The following BLTP3B variants were observed in gnomAD, a reference collection of about 807,000 sequenced individuals.
BLTP3B encodes UHRF1 (ICBP90) binding protein 1-like.
the BLTP3B span, chr12:100,084,378 TCACACA>T: frequency 0.11 from 72,124 of 658,442 alleles, 1,626 homozygotes; most frequent in Admixed American, 0.17. Context: ...AATACTATGA[TCACACA>T]CACACACACA....
chr12:100,066,547 A>C, the BLTP3B span, among the ~76,000 whole-genome samples: 555 of 151,990 alleles, frequency 3.7e-3, 7 homozygotes, highest in African/African-American at 0.013. Flanking sequence ...TAATCCCAGC[A>C]CTTTGGGAGG....
chr12:100,082,648 A>G, the BLTP3B span, among the ~76,000 whole-genome samples: 1 of 152,238 alleles, frequency 6.6e-6, no homozygotes, highest in South Asian at 2.1e-4. Flanking sequence ...TAAATAGGAA[A>G]GCATTTCCCC....
the BLTP3B span, chr12:100,086,313 G>A: frequency 7.2e-7 from 1 of 1,382,230 alleles, no homozygotes; most frequent in South Asian, 1.2e-5. Flanking sequence ...AGTTAGCTGT[G>A]TAAAAGAGAG....
the BLTP3B span, among the ~76,000 whole-genome samples, chr12:100,072,400 C>T: frequency 6.6e-6 from 1 of 152,018 alleles, no homozygotes; most frequent in Non-Finnish European, 1.5e-5. Context: ...ATGCACTATA[C>T]ACAATAAGAA....
the BLTP3B span, chr12:100,086,373 G>C: frequency 2.3e-5 from 5 of 218,822 alleles, no homozygotes; most frequent in South Asian, 1.1e-4. Flanking sequence ...GAAAAAAAAA[G>C]GGGGGGGGGG....
chr12:100,130,270 A>T, the BLTP3B span, among the ~76,000 whole-genome samples: 1 of 152,004 alleles, frequency 6.6e-6, no homozygotes, highest in Non-Finnish European at 1.5e-5. Flanking sequence ...TCATTTCATT[A>T]TTTCTTTACA....
the BLTP3B span, among the ~76,000 whole-genome samples, chr12:100,126,284 G>A: frequency 6.6e-6 from 1 of 152,256 alleles, no homozygotes; most frequent in East Asian, 1.9e-4. Flanking sequence ...TGTAAGATAA[G>A]GCCTCAGGTA....
chr12:100,051,230 A>G, the BLTP3B span: 1 of 1,607,888 alleles, frequency 6.2e-7, no homozygotes, highest in African/African-American at 1.3e-5. Flanking sequence ...TCCTGAAATA[A>G]CACAAAAGTA....
chr12:100,069,836 C>T, the BLTP3B span: 1 of 580,590 alleles, frequency 1.7e-6, no homozygotes, highest in Non-Finnish European at 2.2e-6. Flanking sequence ...AAAACACCAC[C>T]TTTTCCCCAA....
the BLTP3B span, among the ~76,000 whole-genome samples, chr12:100,125,208 T>C: frequency 3.3e-5 from 5 of 150,260 alleles, no homozygotes; most frequent in Admixed American, 3.3e-4. Context: ...GGCACACGCC[T>C]GTAATTCCAG....
chr12:100,062,698 A>T, the BLTP3B span, among the ~76,000 whole-genome samples: 8 of 152,290 alleles, frequency 5.3e-5, no homozygotes, highest in African/African-American at 1.9e-4. Context: ...GTGTTGTCTC[A>T]TGTCTGTAAT....
the BLTP3B span, chr12:100,069,870 T>G: frequency 1.2e-6 from 1 of 842,430 alleles, no homozygotes; most frequent in South Asian, 5.5e-5. Context: ...TAAAAAATTT[T>G]TTTAAATAAA....
the BLTP3B span, among the ~76,000 whole-genome samples, chr12:100,038,777 T>C: frequency 2.6e-5 from 4 of 152,288 alleles, no homozygotes; most frequent in Middle Eastern, 3.4e-3. Flanking sequence ...ATATAGCCAT[T>C]CCTAAGTACG....
At chr12:100,047,943 T>G in the BLTP3B span, 1 of 1,474,406 alleles carries the variant, frequency 6.8e-7, no homozygotes, top group Admixed American at 2.8e-5. Flanking sequence ...ATTAACATAC[T>G]TTTAAATTTA....
At chr12:100,110,319 AAC>A in the BLTP3B span, among the ~76,000 whole-genome samples, 1 of 152,212 alleles carries the variant, frequency 6.6e-6, no homozygotes, top group Non-Finnish European at 1.5e-5. Context: ...TGAGAAATAC[AAC>A]AATCATTTAA....
the BLTP3B span, among the ~76,000 whole-genome samples, chr12:100,092,551 C>T: frequency 6.6e-6 from 1 of 152,060 alleles, no homozygotes; most frequent in Non-Finnish European, 1.5e-5. Flanking sequence ...GGGGCAAAAA[C>T]CTGTAAGAAA....
the BLTP3B span, among the ~76,000 whole-genome samples, chr12:100,107,217 G>A: frequency 2.0e-5 from 3 of 148,934 alleles, no homozygotes; most frequent in African/African-American, 7.5e-5. Flanking sequence ...GAACCTGGGA[G>A]GTAGAGGCTG....
chr12:100,057,609 T>C, the BLTP3B span: 358 of 1,611,276 alleles, frequency 2.2e-4, no homozygotes, highest in Non-Finnish European at 2.8e-4. Flanking sequence ...TCCATCACTT[T>C]CTAATAACTG....
At chr12:100,098,256 A>C in the BLTP3B span, 1 of 1,347,474 alleles carries the variant, frequency 7.4e-7, no homozygotes, top group East Asian at 2.4e-5. Context: ...AGAGAAAAGC[A>C]AAGTTAAAAG....
Sources: gnomAD v4.1 joint callset for allele counts (sites outside exome capture counted in the v4.1 genomes callset) on GRCh38, gnomAD v4.1.1 for gene constraint, MANE v1.5 for transcripts, NCBI Gene and HGNC (gene_info 2026-07-23, HGNC 2026-07-21) for gene names.